Variants in TAFA5 observed in about 807,000 individuals in gnomAD.
TAFA5 encodes TAFA chemokine like family member 5, also known as chemokine-like protein TAFA-5.
Under a neutral mutation model 15.3 loss-of-function variants are expected in TAFA5, and 6 were observed. That is an observed-to-expected ratio of 0.39 (90% CI 0.21 to 0.77). The LOEUF (loss-of-function observed/expected upper bound fraction) is 0.77, where lower values mean the gene tolerates loss of function less well. Ranked by LOEUF, TAFA5 falls within the 30% of genes least tolerant of loss-of-function variation. The pLI is 0.41. For missense variants in TAFA5, 161 were observed against 193.1 expected (o/e 0.83, Z 0.98); for synonymous variants, 103 against 80.7 (o/e 1.28, Z -1.48).
intron 1 of TAFA5, among the ~76,000 whole-genome samples, chr22:48,572,188 G>A (rs903097291): frequency 1.3e-5 from 2 of 152,190 alleles, no homozygotes; most frequent in Non-Finnish European, 2.9e-5. Flanking sequence ...CATGCCTCTA[G>A]CTTTCTGCAA....
chr22:48,705,480 C>G (rs573359414), intron 2 of TAFA5, among the ~76,000 whole-genome samples: 1 of 152,202 alleles, frequency 6.6e-6, no homozygotes, highest in Non-Finnish European at 1.5e-5. Context: ...GCCTCCCCTG[C>G]GATGACCCCA....
chr22:48,700,521 G>A (rs1928871947), intron 2 of TAFA5, among the ~76,000 whole-genome samples: 2 of 152,240 alleles, frequency 1.3e-5, no homozygotes, highest in Admixed American at 6.5e-5. Flanking sequence ...GGAGACTGGG[G>A]TCTGGGGGTG....
intron 2 of TAFA5, among the ~76,000 whole-genome samples, chr22:48,683,677 A>C (rs764374407): frequency 3.9e-5 from 6 of 152,242 alleles, no homozygotes; most frequent in Non-Finnish European, 7.3e-5. Context: ...CTGTTTTGAA[A>C]AAATTGCAAA....
intron 2 of TAFA5, among the ~76,000 whole-genome samples, chr22:48,682,533 C>T (rs1273958648): frequency 3.9e-5 from 6 of 152,234 alleles, no homozygotes; most frequent in East Asian, 1.9e-4. Flanking sequence ...TCCTTACCAG[C>T]GGTTGGTCAA....
intron 1 of TAFA5, among the ~76,000 whole-genome samples, chr22:48,635,439 TC>T (rs2147193135): frequency 6.6e-6 from 1 of 152,286 alleles, no homozygotes; most frequent in African/African-American, 2.4e-5. Flanking sequence ...AGCAACCGTC[TC>T]CCAGTCCCTA....
intron 2 of TAFA5, among the ~76,000 whole-genome samples, chr22:48,692,441 T>G (rs1432665666): frequency 6.6e-6 from 1 of 152,218 alleles, no homozygotes; most frequent in African/African-American, 2.4e-5. Flanking sequence ...TTGATTTAAT[T>G]TTTTAAGAGA....
chr22:48,657,562 A>G (rs1927293012), intron 2 of TAFA5, among the ~76,000 whole-genome samples: 1 of 152,368 alleles, frequency 6.6e-6, no homozygotes, highest in South Asian at 2.1e-4. Context: ...AAAGTATCAG[A>G]CATCACAAGA....
chr22:48,739,247 C>G (rs1053812074), intron 3 of TAFA5, among the ~76,000 whole-genome samples: 2 of 152,124 alleles, frequency 1.3e-5, no homozygotes, highest in African/African-American at 4.8e-5. Context: ...ATAATTTTCC[C>G]ATATTTAAAT....
chr22:48,692,001 C>G (rs1928558426), intron 2 of TAFA5, among the ~76,000 whole-genome samples: 1 of 152,192 alleles, frequency 6.6e-6, no homozygotes, highest in Admixed American at 6.5e-5. Flanking sequence ...GCCACCAGCT[C>G]CTAGGGCAGG....
chr22:48,683,582 G>A (rs748975833), intron 2 of TAFA5, among the ~76,000 whole-genome samples: 2 of 152,220 alleles, frequency 1.3e-5, no homozygotes, highest in African/African-American at 4.8e-5. Context: ...GTTCCTCCAC[G>A]GCTCAGGAAC....
intron 1 of TAFA5, among the ~76,000 whole-genome samples, chr22:48,584,553 C>T (rs1167866567): frequency 6.8e-6 from 1 of 148,028 alleles, no homozygotes; most frequent in Non-Finnish European, 1.5e-5. Flanking sequence ...ACATCACACA[C>T]ACTACATGCC....
chr22:48,673,168 G>A (rs189271477), intron 2 of TAFA5, among the ~76,000 whole-genome samples: 8 of 152,294 alleles, frequency 5.3e-5, no homozygotes, highest in Admixed American at 3.9e-4. Context: ...CTCCATCACC[G>A]TCATCTTCTC....
intron 1 of TAFA5, among the ~76,000 whole-genome samples, chr22:48,504,317 G>A (rs574476718): frequency 8.5e-5 from 13 of 152,188 alleles, no homozygotes; most frequent in Non-Finnish European, 1.8e-4. Context: ...GTTTAGCAAA[G>A]GTCCATTCTT....
intron 2 of TAFA5, among the ~76,000 whole-genome samples, chr22:48,661,258 A>G (rs1297976771): frequency 6.6e-6 from 1 of 152,146 alleles, no homozygotes; most frequent in Non-Finnish European, 1.5e-5. Flanking sequence ...GACATTCCCC[A>G]TGCCCCACCC....
chr22:48,505,861 A>G (rs990886714), intron 1 of TAFA5, among the ~76,000 whole-genome samples: 1 of 152,196 alleles, frequency 6.6e-6, no homozygotes, highest in African/African-American at 2.4e-5. Context: ...CTGCAAAGGG[A>G]AAGGGCTCCT....
At chr22:48,584,384 C>T (rs1924245223) in intron 1 of TAFA5, among the ~76,000 whole-genome samples, 6 of 149,450 alleles carry the variant, frequency 4.0e-5, no homozygotes. Flanking sequence ...ACACCACACG[C>T]ACAGTACACA....
At chr22:48,618,129 C>T (rs1925678721) in intron 1 of TAFA5, among the ~76,000 whole-genome samples, 1 of 152,222 alleles carries the variant, frequency 6.6e-6, no homozygotes, top group Admixed American at 6.5e-5. Flanking sequence ...TGTTTCTGCA[C>T]TCTTTCAGGA....
At chr22:48,575,198 T>C (rs1226865152) in intron 1 of TAFA5, among the ~76,000 whole-genome samples, 2 of 151,916 alleles carry the variant, frequency 1.3e-5, no homozygotes, top group African/African-American at 2.4e-5. Flanking sequence ...CCGCGTCCGG[T>C]CTCCCGCGCC....
chr22:48,535,323 C>T (rs1922117599), intron 1 of TAFA5, among the ~76,000 whole-genome samples: 1 of 152,210 alleles, frequency 6.6e-6, no homozygotes, highest in Non-Finnish European at 1.5e-5. Context: ...GTAAGATGCA[C>T]ATTTACAAAT....
Sources: allele counts gnomAD v4.1 joint callset (sites outside exome capture counted in the v4.1 genomes callset), GRCh38; gene constraint gnomAD v4.1.1; transcripts MANE v1.5; gene names NCBI Gene and HGNC (gene_info 2026-07-23, HGNC 2026-07-21).